Variants in NAV3 observed in about 807,000 individuals in gnomAD.
The protein encoded by NAV3 is neuron navigator 3.
A neutral mutation model predicts 244.7 loss-of-function variants in NAV3; 87 were observed. The ratio of observed to expected loss-of-function variants is 0.36; its 90% CI spans 0.30 to 0.42. The LOEUF (loss-of-function observed/expected upper bound fraction) is 0.42. Ranked by LOEUF, NAV3 falls within the 20% of genes least tolerant of loss-of-function variation. The probability of loss-of-function intolerance (pLI) is 1.00; values close to 1 mark genes in which losing one functional copy is unlikely to be tolerated. For synonymous variants in NAV3, 1,126 were observed against 1,042.2 expected (o/e 1.08, Z -1.55); for missense variants, 2,663 against 2,893.3 (o/e 0.92, Z 1.83).
At chr12:77,876,309 T>C (rs529831385) in intron 1 of NAV3, among the ~76,000 whole-genome samples, 99 of 152,154 alleles carry the variant, frequency 6.5e-4, no homozygotes, top group African/African-American at 2.2e-3. Context: ...CAATAAGACT[T>C]CTATATAGCT....
At chr12:77,684,079 T>A (rs527897687) in intron 2 of NAV3, among the ~76,000 whole-genome samples, 13 of 152,320 alleles carry the variant, frequency 8.5e-5, no homozygotes, top group Admixed American at 7.8e-4. Flanking sequence ...ATCCCAGTGA[T>A]CTGCATTCAG....
chr12:78,075,153 A>T (rs1374947627), intron 12 of NAV3, among the ~76,000 whole-genome samples: 1 of 152,174 alleles, frequency 6.6e-6, no homozygotes, highest in Non-Finnish European at 1.5e-5. Context: ...TACTGACTGC[A>T]AGTCTGTACA....
chr12:78,180,742 T>C (rs879370689), intron 29 of NAV3, 129 bp from the exon 30 acceptor site: 27 of 747,240 alleles, frequency 3.6e-5, no homozygotes, highest in Middle Eastern at 4.0e-4. Flanking sequence ...TCATATCTTA[T>C]ATTTCTTTAT....
chr12:77,737,960 C>G (rs1877405683), intron 2 of NAV3, among the ~76,000 whole-genome samples: 1 of 152,100 alleles, frequency 6.6e-6, no homozygotes, highest in Non-Finnish European at 1.5e-5. Context: ...TGTTCTTGCT[C>G]CTTTCTCTTT....
At chr12:78,183,790 A>G (rs549897974) in intron 30 of NAV3, among the ~76,000 whole-genome samples, 3 of 151,996 alleles carry the variant, frequency 2.0e-5, no homozygotes, top group South Asian at 2.1e-4. Flanking sequence ...CTCCTTTGCT[A>G]TGGACTACTT....
At chr12:77,941,699 C>G (rs1304823957) in intron 3 of NAV3, among the ~76,000 whole-genome samples, 1 of 152,018 alleles carries the variant, frequency 6.6e-6, no homozygotes, top group Non-Finnish European at 1.5e-5. Context: ...CTTTATCAAC[C>G]AATAAAAACT....
At chr12:77,780,121 G>A (rs1360026549) in intron 2 of NAV3, among the ~76,000 whole-genome samples, 1 of 152,136 alleles carries the variant, frequency 6.6e-6, no homozygotes, top group Non-Finnish European at 1.5e-5. Context: ...GTCAGACAAA[G>A]TTGCAGAGGA....
intron 12 of NAV3, among the ~76,000 whole-genome samples, chr12:78,068,260 A>G (rs547010188): frequency 6.6e-6 from 1 of 151,976 alleles, no homozygotes; most frequent in African/African-American, 2.4e-5. Flanking sequence ...TAATTGCAGA[A>G]TTTGAATTTA....
intron 2 of NAV3, among the ~76,000 whole-genome samples, chr12:77,792,916 C>T (rs1415083911): frequency 6.6e-6 from 1 of 152,138 alleles, no homozygotes; most frequent in Non-Finnish European, 1.5e-5. Flanking sequence ...TCTCAGTGGA[C>T]ATGTTACTAT....
intron 2 of NAV3, among the ~76,000 whole-genome samples, chr12:77,679,130 A>C (rs1343685209): frequency 1.3e-5 from 2 of 152,168 alleles, no homozygotes; most frequent in Non-Finnish European, 2.9e-5. Flanking sequence ...GCAGGTTACT[A>C]ACTCTGGATT....
intron 9 of NAV3, among the ~76,000 whole-genome samples, chr12:78,033,980 G>A (rs1020174721): frequency 1.3e-5 from 2 of 152,162 alleles, no homozygotes; most frequent in Admixed American, 6.5e-5. Flanking sequence ...ATGGTTGTTA[G>A]AATAAAGAAT....
At chr12:77,971,973 A>T (rs1893034356) in intron 5 of NAV3, among the ~76,000 whole-genome samples, 1 of 152,222 alleles carries the variant, frequency 6.6e-6, no homozygotes, top group African/African-American at 2.4e-5. Context: ...AAAAAACTCC[A>T]GATGTTTTTC....
intron 2 of NAV3, among the ~76,000 whole-genome samples, chr12:77,639,825 G>A (rs1872319601): frequency 6.6e-6 from 1 of 152,168 alleles, no homozygotes; most frequent in African/African-American, 2.4e-5. Context: ...ACACAGAAAT[G>A]TGGCACATGC....
At chr12:77,590,118 A>T (rs1374023584) in intron 2 of NAV3, among the ~76,000 whole-genome samples, 1 of 152,202 alleles carries the variant, frequency 6.6e-6, no homozygotes, top group Non-Finnish European at 1.5e-5. Context: ...GTCTATGTAT[A>T]GATTAGAGTC....
intron 26 of NAV3, 56 bp from the exon 27 acceptor site, chr12:78,177,085 G>A (rs1041205423): frequency 1.2e-6 from 2 of 1,604,248 alleles, no homozygotes; most frequent in South Asian, 1.1e-5. Context: ...ACGCCCCAAA[G>A]CAAAAGCTCT....
At chr12:77,763,869 A>G (rs1869612445) in intron 2 of NAV3, among the ~76,000 whole-genome samples, 1 of 152,066 alleles carries the variant, frequency 6.6e-6, no homozygotes, top group Non-Finnish European at 1.5e-5. Context: ...AATTTAAAAC[A>G]CCCCATCCAG....
intron 2 of NAV3, among the ~76,000 whole-genome samples, chr12:77,626,549 A>T (rs1174111107): frequency 6.6e-6 from 1 of 152,154 alleles, no homozygotes; most frequent in Non-Finnish European, 1.5e-5. Flanking sequence ...ACAGCAAGAA[A>T]AAAAGCATCC....
chr12:77,910,721 C>G (rs1666000013), intron 1 of NAV3, among the ~76,000 whole-genome samples: 1 of 152,014 alleles, frequency 6.6e-6, no homozygotes, highest in African/African-American at 2.4e-5. Flanking sequence ...CAAGTCAGCC[C>G]TTGAGGAAAA....
At chr12:78,189,322 G>A (rs1411292751) in intron 33 of NAV3, among the ~76,000 whole-genome samples, 1 of 151,718 alleles carries the variant, frequency 6.6e-6, no homozygotes, top group Non-Finnish European at 1.5e-5. Context: ...TAAAGAATCA[G>A]GATACATCTA....
Sources: allele counts gnomAD v4.1 joint callset (sites outside exome capture counted in the v4.1 genomes callset), GRCh38; gene constraint gnomAD v4.1.1; transcripts MANE v1.5; gene names NCBI Gene and HGNC (gene_info 2026-07-23, HGNC 2026-07-21).